The following TMEM163 variants were observed in gnomAD, a reference collection of about 807,000 sequenced individuals.
TMEM163 encodes the protein transmembrane protein 163.
TMEM163 carries 17 observed loss-of-function variants against 29.3 expected under a neutral mutation model. The observed-to-expected ratio is 0.58, with a 90% CI of 0.40 to 0.87. The LOEUF is 0.87. Ranked by LOEUF, TMEM163 falls within the 40% of genes least tolerant of loss-of-function variation. TMEM163 has a pLI of 0.00. For synonymous variants in TMEM163, 157 were observed against 160.6 expected (o/e 0.98, Z 0.17); for missense variants, 303 against 381.5 (o/e 0.79, Z 1.71).
At chr2:134,541,974 G>A (rs1393105691) in intron 4 of TMEM163, among the ~76,000 whole-genome samples, 12 of 152,142 alleles carry the variant, frequency 7.9e-5, no homozygotes, top group African/African-American at 4.8e-5. Context: ...GACCATGGGC[G>A]GGGGTGGGAA....
At chr2:134,464,391 G>A (rs35628964) in intron 6 of TMEM163, among the ~76,000 whole-genome samples, 5,716 of 152,238 alleles carry the variant, frequency 0.038, 167 homozygotes, top group South Asian at 0.13. Context: ...CAGAATCTTC[G>A]GGGTGGGCCC....
At chr2:134,476,419 A>T (rs1399878193) in intron 5 of TMEM163, among the ~76,000 whole-genome samples, 3 of 152,200 alleles carry the variant, frequency 2.0e-5, no homozygotes, top group Non-Finnish European at 4.4e-5. Context: ...ATCTGTCAAA[A>T]CTCATCAAGT....
At chr2:134,566,487 A>G (rs1300642019) in intron 2 of TMEM163, among the ~76,000 whole-genome samples, 1 of 152,008 alleles carries the variant, frequency 6.6e-6, no homozygotes, top group Non-Finnish European at 1.5e-5. Flanking sequence ...CGCTTGAACC[A>G]GGGAGGTGGA....
chr2:134,561,095 C>T (rs1681162144), intron 2 of TMEM163, among the ~76,000 whole-genome samples: 1 of 152,250 alleles, frequency 6.6e-6, no homozygotes, highest in Non-Finnish European at 1.5e-5. Context: ...ATTTATGGGC[C>T]GTCTCCGCCG....
chr2:134,558,679 G>C (rs1294951494), intron 2 of TMEM163, among the ~76,000 whole-genome samples: 3 of 152,196 alleles, frequency 2.0e-5, no homozygotes, highest in Non-Finnish European at 4.4e-5. Flanking sequence ...CAGAGGATCA[G>C]TGCAGACAGC....
intron 2 of TMEM163, among the ~76,000 whole-genome samples, chr2:134,705,751 A>G (rs766617478): frequency 6.6e-6 from 1 of 152,230 alleles, no homozygotes; most frequent in Admixed American, 6.5e-5. Context: ...CAGCCCTGAG[A>G]TATCCACAGA....
At chr2:134,466,442 A>C (rs143798978) in intron 5 of TMEM163, 134 of 534,100 alleles carry the variant, frequency 2.5e-4, no homozygotes, top group African/African-American at 2.1e-3. Flanking sequence ...ATATTTACTT[A>C]AAAAACCATT....
chr2:134,714,244 T>C (rs1248407680), intron 1 of TMEM163, among the ~76,000 whole-genome samples: 4 of 152,172 alleles, frequency 2.6e-5, no homozygotes, highest in Non-Finnish European at 4.4e-5. Flanking sequence ...CAGTACCACA[T>C]TTTCAGCCAT....
intron 4 of TMEM163, among the ~76,000 whole-genome samples, chr2:134,503,555 CTG>C (rs1186195905): frequency 1.3e-5 from 2 of 152,252 alleles, no homozygotes; most frequent in African/African-American, 4.8e-5. Context: ...AAAGTCTACT[CTG>C]TCACTTTTGG....
At chr2:134,467,638 A>C (rs974778372) in intron 5 of TMEM163, 1 of 152,200 alleles carries the variant, frequency 6.6e-6, no homozygotes, top group African/African-American at 2.4e-5. Context: ...CACACTGGAG[A>C]CTTAAGGAGA....
intron 5 of TMEM163, among the ~76,000 whole-genome samples, chr2:134,495,512 C>T (rs1308143181): frequency 1.3e-5 from 2 of 152,234 alleles, no homozygotes; most frequent in Admixed American, 1.3e-4. Context: ...AGGTTGAACA[C>T]TGAACATGGT....
intron 2 of TMEM163, among the ~76,000 whole-genome samples, chr2:134,593,730 G>GCTA (rs1681993254): frequency 6.6e-6 from 1 of 151,994 alleles, no homozygotes; most frequent in Non-Finnish European, 1.5e-5. Context: ...CAGAACACGT[G>GCTA]CTACTGCAGG....
chr2:134,481,382 G>C (rs7582105), intron 5 of TMEM163, among the ~76,000 whole-genome samples: 2,709 of 143,498 alleles, frequency 0.019, 41 homozygotes, highest in Middle Eastern at 0.03. Context: ...AATCATGGGG[G>C]GGGGGGGAGC....
At chr2:134,474,503 C>T (rs953083423) in intron 5 of TMEM163, among the ~76,000 whole-genome samples, 1 of 152,134 alleles carries the variant, frequency 6.6e-6, no homozygotes, top group African/African-American at 2.4e-5. Context: ...ACTTTCATTA[C>T]TTCCATTTGA....
Position 134,466,142 on chromosome 2 carries a change from A to T in TMEM163, c.639T>A (p.Val213=), listed in dbSNP as rs1342897328. 1 of 1,613,842 alleles carries T rather than the reference A, an allele frequency of 6.2e-7. No individual in the cohort carries two copies. The change falls in exon 6 of 8, where the codon GTT becomes GTA. Residue 213 remains valine (V), a synonymous_variant. Coordinates refer to ENST00000281924, the MANE Select transcript of TMEM163 (RefSeq NM_030923.5). ...CTGTTATGAGTGCTCTACTGGTCAGAACCTTCCCCAGCATGAACTTCAACA... is the reference window on the plus strand; with the variant it reads ...CTGTTATGAGTGCTCTACTGGTCAGTACCTTCCCCAGCATGAACTTCAACA... The part of the protein sequence containing the change: ...LAVLKFMLGK[V]LTSRALITDG...
chr2:134,696,486 G>A (rs1684584581), intron 2 of TMEM163, among the ~76,000 whole-genome samples: 1 of 152,104 alleles, frequency 6.6e-6, no homozygotes, highest in Admixed American at 6.5e-5. Context: ...GTTAATATAA[G>A]GAGAAATGAC....
chr2:134,457,823 T>C (rs1686434227), intron 7 of TMEM163, among the ~76,000 whole-genome samples: 1 of 152,206 alleles, frequency 6.6e-6, no homozygotes, highest in African/African-American at 2.4e-5. Flanking sequence ...GCCTGATACC[T>C]CTTGTCCCTG....
chr2:134,500,632 G>C (rs762190518), intron 5 of TMEM163, among the ~76,000 whole-genome samples: 1 of 149,680 alleles, frequency 6.7e-6, no homozygotes, highest in South Asian at 2.2e-4. Context: ...AATGGAATAC[G>C]ATTCTGCCAT....
chr2:134,642,840 A>G (rs998934426), intron 2 of TMEM163, among the ~76,000 whole-genome samples: 2 of 152,178 alleles, frequency 1.3e-5, no homozygotes, highest in Non-Finnish European at 2.9e-5. Flanking sequence ...GAGCATATTA[A>G]AATTTGTGGG....
Sources: allele counts gnomAD v4.1 joint callset (sites outside exome capture counted in the v4.1 genomes callset), GRCh38; gene constraint gnomAD v4.1.1; transcripts MANE v1.5; gene names NCBI Gene and HGNC (gene_info 2026-07-23, HGNC 2026-07-21).